GAPVD1: variants seen among roughly 807,000 people sequenced by gnomAD.
The protein encoded by GAPVD1 is GTPase activating protein and VPS9 domains 1, also known as GTPase-activating protein and VPS9 domain-containing protein 1.
GAPVD1 carries 35 observed loss-of-function variants against 155.5 expected under a neutral mutation model. The observed-to-expected ratio is 0.23, with a 90% confidence interval of 0.17 to 0.30. The LOEUF is 0.30. GAPVD1 is among the 10% of genes least tolerant of loss of function. The probability of loss-of-function intolerance (pLI) is 1.00; values close to 1 mark genes in which losing one functional copy is unlikely to be tolerated. For missense variants in GAPVD1, 1,429 were observed against 1,775.7 expected (o/e 0.80, Z 3.51); for synonymous variants, 636 against 619.7 (o/e 1.03, Z -0.39).
intron 2 of GAPVD1, among the ~76,000 whole-genome samples, chr9:125,283,353 C>T (rs1180654807): frequency 6.6e-6 from 1 of 151,714 alleles, no homozygotes; most frequent in Non-Finnish European, 1.5e-5. Context: ...GCCACCGCAC[C>T]CAGCTTATTA....
At chr9:125,350,525 C>G (rs896126672) in intron 22 of GAPVD1, 121 bp downstream of exon 22, 2 of 747,066 alleles carry the variant, frequency 2.7e-6, no homozygotes, top group Non-Finnish European at 4.6e-6. Flanking sequence ...AATATGTTTA[C>G]ATTAGTATCA....
At chr9:125,326,699 C>CTGTT in intron 12 of GAPVD1, 110 bp downstream of exon 12, 1 of 747,946 alleles carries the variant, frequency 1.3e-6, no homozygotes, top group Non-Finnish European at 2.3e-6. Context: ...GTGTTAGCAC[C>CTGTT]ATCTGGGAAA....
chr9:125,333,778 G>A (rs1394405962), intron 15 of GAPVD1, among the ~76,000 whole-genome samples: 7 of 152,298 alleles, frequency 4.6e-5, no homozygotes, highest in Non-Finnish European at 8.8e-5. Flanking sequence ...ATGAGCCACC[G>A]CGCTCTGCGA....
Position 125,337,493 on chromosome 9 carries a change from C to G in GAPVD1, c.2779C>G (p.Arg927Gly). ...SWNRRPGNEERELPPAAAIGA... is the reference protein window; with the variant it reads ...SWNRRPGNEEGELPPAAAIGA... The stretch of plus-strand genomic sequence containing the variant: ...GAACCGGCGTCCAGGAAATGAAGAG[C>G]GAGAACTCCCTCCAGCTGCAGCCAT... Residue 927 changes from arginine (R) to glycine (G), a missense_variant, in exon 17 of 28, where the codon CGA (arginine) becomes GGA (glycine). Around this residue, in one of 4 missense-constraint regions of GAPVD1, gnomAD observed 699 missense variants for 826.0 expected, o/e 0.85. Transcript: ENST00000297933. 6.2e-7 allele frequency: 1 copy of G among 1,614,094 alleles called. No homozygotes were observed.
At chr9:125,324,067 TTC>T (rs1389036311) in intron 11 of GAPVD1, 144 bp downstream of exon 11, 3 of 654,850 alleles carry the variant, frequency 4.6e-6, no homozygotes, top group Non-Finnish European at 7.8e-6. Flanking sequence ...ATTCCTTCAG[TTC>T]TTCAAAATCT....
chr9:125,354,865 G>A (rs780692295), intron 24 of GAPVD1, 24 bp downstream of exon 24: 4 of 1,511,322 alleles, frequency 2.6e-6, no homozygotes, highest in Non-Finnish European at 2.8e-6. Flanking sequence ...TTTAGTTTAA[G>A]CATCTCTTCA....
intron 2 of GAPVD1, among the ~76,000 whole-genome samples, chr9:125,277,763 A>G (rs1836028015): frequency 6.7e-6 from 1 of 149,228 alleles, no homozygotes; most frequent in Admixed American, 6.8e-5. Context: ...TTGACCTCCC[A>G]GGCTCAAGCA....
Position 125,350,289 on chromosome 9 carries a change from T to G in GAPVD1, c.3300-6T>G. The G allele has an allele frequency of 6.5e-7, 1 of 1,550,240 alleles. No homozygotes were observed. The highest frequency in any genetic ancestry group is 1.4e-5 in the African/African-American group (1 of 72,320). On this transcript the variant is annotated splice_region_variant and splice_polypyrimidine_tract_variant and intron_variant, in intron 21 of 27. Transcript: ENST00000297933. Reference sequence around the variant, plus strand: ...GAAATTAATGTATTTTCTACTCATTTTTCAGAGATGCAAAAAAGAAACTGA... The same window carrying G: ...GAAATTAATGTATTTTCTACTCATTGTTCAGAGATGCAAAAAAGAAACTGA...
Position 125,305,531 on chromosome 9 carries a change from C to T in GAPVD1, c.1116+382C>T, listed in dbSNP as rs534361327. Among the ~76,000 whole-genome samples the T allele has an allele frequency of 5.3e-5, 8 of 152,144 alleles. No homozygotes were observed. In the East Asian group the frequency reaches 5.8e-4, roughly 11 times the overall value. The stretch of plus-strand genomic sequence containing the variant: ...GATCACAGGTGCCTGCCACTACACC[C>T]GGCTAATTTTTGTATTTTTAGTAGA... On this transcript the variant is annotated intron_variant, in intron 6 of 27. Coordinates refer to ENST00000297933, the MANE Select transcript of GAPVD1 (RefSeq NM_001282680.3).
At chr9:125,360,313 C>T (rs1439814357) in intron 26 of GAPVD1, among the ~76,000 whole-genome samples, 1 of 152,160 alleles carries the variant, frequency 6.6e-6, no homozygotes, top group Non-Finnish European at 1.5e-5. Context: ...TAATGGATAT[C>T]TGGTTTGCTG....
intron 2 of GAPVD1, among the ~76,000 whole-genome samples, chr9:125,282,569 T>C (rs1408560247): frequency 6.6e-6 from 1 of 152,236 alleles, no homozygotes; most frequent in Non-Finnish European, 1.5e-5. Flanking sequence ...GAAAAGGTCA[T>C]TTTGGTCAAT....
intron 10 of GAPVD1, 104 bp downstream of exon 10, chr9:125,321,666 A>G: frequency 1.0e-6 from 1 of 983,078 alleles, no homozygotes; most frequent in South Asian, 1.7e-5. Flanking sequence ...TGTGCTTCTC[A>G]CTGAGGAGAC....
chr9:125,281,908 C>T lies in GAPVD1; in HGVS notation c.-150+12924C>T, dbSNP rs532476506. Among the ~76,000 whole-genome samples, 104 of 151,910 alleles carry T rather than the reference C, an allele frequency of 6.8e-4. 2 individuals are homozygous for T. The South Asian group carries it at 0.013, about 19-fold the overall frequency. On this transcript the variant is annotated intron_variant, in intron 2 of 27. Coordinates refer to ENST00000297933, the MANE Select transcript of GAPVD1 (RefSeq NM_001282680.3). ...GGGCTCACTGCAATCTCTGCCTCCT[C>T]GCTGGTTCAAGCGATTCTTCTGCCT...
intron 12 of GAPVD1, among the ~76,000 whole-genome samples, chr9:125,329,443 A>G (rs1380189998): frequency 6.6e-6 from 1 of 152,180 alleles, no homozygotes; most frequent in Non-Finnish European, 1.5e-5. Flanking sequence ...AATCAAAGCT[A>G]AAGCTGTTGA....
intron 20 of GAPVD1, among the ~76,000 whole-genome samples, chr9:125,348,878 A>G (rs1054865844): frequency 1.3e-5 from 2 of 152,166 alleles, no homozygotes; most frequent in African/African-American, 2.4e-5. Context: ...TGCATGTGTG[A>G]TTTGGTCCCT....
At chr9:125,299,944 G>A (rs1337110599) in intron 4 of GAPVD1, among the ~76,000 whole-genome samples, 5 of 139,728 alleles carry the variant, frequency 3.6e-5, no homozygotes, top group Non-Finnish European at 6.2e-5. Context: ...GCTTGAACCC[G>A]GGAGGTGGAG....
intron 6 of GAPVD1, among the ~76,000 whole-genome samples, chr9:125,306,003 G>A (rs759808492): frequency 6.6e-6 from 1 of 152,126 alleles, no homozygotes; most frequent in Non-Finnish European, 1.5e-5. Context: ...CTATGACATT[G>A]TTCAATTAAT....
intron 2 of GAPVD1, among the ~76,000 whole-genome samples, chr9:125,293,939 C>T (rs1339305533): frequency 1.6e-5 from 2 of 123,074 alleles, no homozygotes; most frequent in African/African-American, 3.0e-5. Flanking sequence ...TTTGAGATGG[C>T]GTCTCACTCT....
chr9:125,293,872 A>ATATATAAATATATTT (rs1839276719), intron 2 of GAPVD1, among the ~76,000 whole-genome samples: 2 of 14,606 alleles, frequency 1.4e-4, no homozygotes, highest in African/African-American at 7.1e-4. Context: ...ATATATATAT[A>ATATATAAATATATTT]TATATATATA....
Sources: gnomAD v4.1 joint callset for allele counts (sites outside exome capture counted in the v4.1 genomes callset) on GRCh38, gnomAD v4.1.1 for gene constraint, gnomAD v4.1.1 regional missense constraint, MANE v1.5 for transcripts, NCBI Gene and HGNC (gene_info 2026-07-23, HGNC 2026-07-21) for gene names.